FNDC3A: variants seen among roughly 807,000 people sequenced by gnomAD.
FNDC3A encodes the protein fibronectin type III domain containing 3A, also known as fibronectin type-III domain-containing protein 3A.
Under a neutral mutation model 148.9 loss-of-function variants are expected in FNDC3A, and 32 were observed. The observed-to-expected ratio is 0.21, with a 90% CI of 0.16 to 0.29. The LOEUF is 0.29. Ranked by LOEUF, FNDC3A falls within the 10% of genes least tolerant of loss-of-function variation. The pLI is 1.00. For missense variants in FNDC3A, 1,191 were observed against 1,452.8 expected (o/e 0.82, Z 2.93); for synonymous variants, 472 against 473.6 (o/e 1.00, Z 0.04).
intron 7 of FNDC3A, among the ~76,000 whole-genome samples, chr13:49,141,756 C>A (rs1593650345): frequency 6.6e-6 from 1 of 152,110 alleles, no homozygotes; most frequent in Non-Finnish European, 1.5e-5. Context: ...CAATCTGCCT[C>A]AAAAAATATA....
intron 2 of FNDC3A, chr13:49,044,612 G>C: frequency 5.3e-6 from 1 of 188,730 alleles, no homozygotes; most frequent in Non-Finnish European, 1.1e-5. Context: ...AGAGGTTGCA[G>C]TAAGCTGAGA....
intron 16 of FNDC3A, 127 bp downstream of exon 16, chr13:49,187,317 GTTCAC>G: frequency 1.1e-6 from 1 of 876,430 alleles, no homozygotes; most frequent in Non-Finnish European, 1.8e-6. Context: ...ATAAAAAGAT[GTTCAC>G]TTCACTTTGG....
At chr13:49,009,716 T>C (rs1256542482) in intron 2 of FNDC3A, among the ~76,000 whole-genome samples, 2 of 152,244 alleles carry the variant, frequency 1.3e-5, no homozygotes, top group Admixed American at 1.3e-4. Context: ...TTCTGTTCTC[T>C]AGTGCCACCA....
chr13:49,057,970 A>G (rs997156256), intron 2 of FNDC3A, among the ~76,000 whole-genome samples: 4 of 152,168 alleles, frequency 2.6e-5, no homozygotes, highest in Non-Finnish European at 5.9e-5. Flanking sequence ...CCTAACCCCT[A>G]GTACCTCAGA....
chr13:49,063,483 T>A (rs781530289), intron 2 of FNDC3A, among the ~76,000 whole-genome samples: 36 of 152,212 alleles, frequency 2.4e-4, no homozygotes, highest in Non-Finnish European at 4.0e-4. Context: ...GAGCATGGAT[T>A]CAAGTTGCCC....
At chr13:49,022,244 C>A (rs962755700) in intron 2 of FNDC3A, among the ~76,000 whole-genome samples, 4 of 152,050 alleles carry the variant, frequency 2.6e-5, no homozygotes, top group Non-Finnish European at 5.9e-5. Flanking sequence ...TAAAGACAAA[C>A]CAGAAAAAGC....
chr13:49,032,478 C>T (rs1038590831), intron 2 of FNDC3A, among the ~76,000 whole-genome samples: 2 of 152,166 alleles, frequency 1.3e-5, no homozygotes, highest in African/African-American at 2.4e-5. Flanking sequence ...GTATATGCCG[C>T]AATGTGGATG....
intron 1 of FNDC3A, among the ~76,000 whole-genome samples, chr13:49,005,145 A>T (rs559625298): frequency 6.6e-6 from 1 of 152,028 alleles, no homozygotes; most frequent in African/African-American, 2.4e-5. Context: ...TTTTTAAAAC[A>T]TCATAGTAGT....
At position 49,188,529 on chromosome 13, in the gene FNDC3A, A is replaced by G. The variant is rs775561579; in HGVS notation, c.1840A>G (p.Met614Val). 8.1e-6 allele frequency: 13 copies of G among 1,611,092 alleles called. No homozygotes were observed. In the South Asian group the frequency reaches 9.9e-5, roughly 12 times the overall value. The change falls in exon 17 of 26, where the codon ATG (methionine) becomes GTG (valine). Residue 614 changes from methionine (M) to valine (V), a missense_variant. Met to Val is a conservative substitution (Grantham distance 21). Around this residue, in one of 3 missense-constraint regions of FNDC3A, gnomAD observed 751 missense variants for 944.0 expected, o/e 0.80. Transcript: ENST00000492622. The part of the protein sequence containing the change: ...AEGSNGNKWE[M>V]IYSGATREHL... ...TCACCTTACAGGAAACAAATGGGAA[A>G]TGATATACAGTGGTGCTACCAGGGA...
At chr13:48,988,420 G>A (rs1459159988) in intron 1 of FNDC3A, among the ~76,000 whole-genome samples, 4 of 151,988 alleles carry the variant, frequency 2.6e-5, no homozygotes, top group African/African-American at 7.3e-5. Flanking sequence ...TTTAGCAACA[G>A]GTAAAGCCAA....
chr13:49,069,497 TTCCGA>T (rs1307903708), intron 2 of FNDC3A, among the ~76,000 whole-genome samples: 18 of 152,322 alleles, frequency 1.2e-4, no homozygotes. Flanking sequence ...TTAATGTCAT[TTCCGA>T]TCCTTGTGCT....
chr13:48,996,552 A>G (rs1952027568), intron 1 of FNDC3A, among the ~76,000 whole-genome samples: 1 of 152,240 alleles, frequency 6.6e-6, no homozygotes, highest in African/African-American at 2.4e-5. Flanking sequence ...GATTTAAAGT[A>G]TACAGGAGAA....
chr13:49,001,974 CTGG>C (rs1014385022), intron 1 of FNDC3A, among the ~76,000 whole-genome samples: 2 of 152,136 alleles, frequency 1.3e-5, no homozygotes, highest in African/African-American at 2.4e-5. Flanking sequence ...AAAAACTTGG[CTGG>C]TTTTGCGGCT....
At chr13:49,106,082 C>A (rs897018643) in intron 3 of FNDC3A, among the ~76,000 whole-genome samples, 5 of 152,168 alleles carry the variant, frequency 3.3e-5, no homozygotes, top group Non-Finnish European at 7.4e-5. Context: ...AAGTCTTAAA[C>A]ATGCCAGTCA....
chr13:49,006,149 C>A lies in FNDC3A; in HGVS notation c.-39-3C>A. On this transcript the variant is annotated splice_polypyrimidine_tract_variant and splice_region_variant and intron_variant, in intron 1 of 25. Transcript: ENST00000492622. ...CAAATGACTATATATGTTTGTTTTT[C>A]AGAATTGGAGCGTTATTCAGTATAT... is the stretch of plus-strand genomic sequence containing the variant. The A allele has an allele frequency of 9.1e-7, 1 of 1,103,066 alleles. No homozygotes were observed. 68.3% of individuals were successfully genotyped at this position (1,103,066 alleles called of 1,614,324 possible).
chr13:49,203,159 C>G lies in FNDC3A; in HGVS notation c.3157C>G (p.Pro1053Ala), dbSNP rs1238704962. 6.3e-7 allele frequency: 1 copy of G among 1,595,030 alleles called. No individual in the cohort carries two copies. Among genetic ancestry groups the G allele is most frequent in the Admixed American group, 1.7e-5 (1 of 58,548 alleles). The change falls in exon 25 of 26, where the codon CCC becomes GCC. Residue 1053 changes from proline (P) to alanine (A), a missense_variant and splice_region_variant. By Grantham distance (27) the Pro-to-Ala change is conservative (BLOSUM62 -1). Coordinates refer to ENST00000492622, the MANE Select transcript of FNDC3A (RefSeq NM_001079673.2). ...TTATTTATATTTGTTTCCTACAGCC[C>G]CCAAAATAGAGAAAGTAAATGATCA... ...PKSVPAALKA[P>A]KIEKVNDHIC...
At chr13:48,983,707 G>A (rs1158156077) in intron 1 of FNDC3A, among the ~76,000 whole-genome samples, 1 of 152,106 alleles carries the variant, frequency 6.6e-6, no homozygotes, top group Non-Finnish European at 1.5e-5. Context: ...TATTCTGGGT[G>A]CTATTGCAAA....
chr13:49,191,701 A>T (rs144967094), intron 19 of FNDC3A, among the ~76,000 whole-genome samples: 8 of 152,340 alleles, frequency 5.3e-5, no homozygotes, highest in Middle Eastern at 3.4e-3. Flanking sequence ...AATCATAAGT[A>T]CTGAAGTTTT....
At chr13:49,007,268 G>T (rs900724970) in intron 2 of FNDC3A, among the ~76,000 whole-genome samples, 1 of 152,090 alleles carries the variant, frequency 6.6e-6, no homozygotes, top group Non-Finnish European at 1.5e-5. Flanking sequence ...GTAGCAATTG[G>T]CTTGGGTTCT....
Sources: allele counts gnomAD v4.1 joint callset (sites outside exome capture counted in the v4.1 genomes callset), GRCh38; gene constraint gnomAD v4.1.1; regional missense constraint gnomAD v4.1.1; transcripts MANE v1.5; gene names NCBI Gene and HGNC (gene_info 2026-07-23, HGNC 2026-07-21).